The following TMEM63C variants were observed in gnomAD, a reference collection of about 807,000 sequenced individuals.
TMEM63C encodes transmembrane protein 63C.
In TMEM63C, 32 loss-of-function variants were observed where a neutral mutation model predicts 99.2. The ratio of observed to expected loss-of-function variants is 0.32; its 90% CI spans 0.24 to 0.43. The LOEUF (loss-of-function observed/expected upper bound fraction) is 0.43. TMEM63C is among the 20% of genes least tolerant of loss of function. The pLI is 1.00. For missense variants in TMEM63C, 826 were observed against 1,053.0 expected (o/e 0.78, Z 2.98); for synonymous variants, 376 against 397.9 (o/e 0.94, Z 0.66).
intron 2 of TMEM63C, among the ~76,000 whole-genome samples, chr14:77,215,016 G>A (rs1317344429): frequency 6.6e-6 from 1 of 152,048 alleles, no homozygotes; most frequent in Non-Finnish European, 1.5e-5. Flanking sequence ...ACCCTCTTGT[G>A]TTATGCTCAT....
intron 10 of TMEM63C, 63 bp from the exon 11 acceptor site, chr14:77,239,349 G>C: frequency 1.9e-6 from 3 of 1,558,422 alleles, no homozygotes; most frequent in Admixed American, 1.7e-5. Context: ...TGCTGGGCAG[G>C]GGGTAGGGGC....
intron 5 of TMEM63C, among the ~76,000 whole-genome samples, chr14:77,223,318 TGGA>T: frequency 6.6e-6 from 1 of 152,114 alleles, no homozygotes; most frequent in South Asian, 2.1e-4. Flanking sequence ...TTAAATTAAA[TGGA>T]GAACAGAGAG....
intron 2 of TMEM63C, among the ~76,000 whole-genome samples, chr14:77,215,252 G>A (rs541387313): frequency 3.3e-5 from 5 of 151,592 alleles, no homozygotes; most frequent in East Asian, 3.9e-4. Context: ...TCCAACATCC[G>A]CCCACCACCA....
chr14:77,238,776 G>T lies in TMEM63C; in HGVS notation c.725+9G>T, dbSNP rs762223852. On this transcript the variant is annotated intron_variant, in intron 10 of 23. Coordinates refer to ENST00000298351, the MANE Select transcript of TMEM63C (RefSeq NM_020431.4). Reference sequence around the variant, plus strand: ...ATCATTAAGCATTTTCAGTAAGTGGGTTGGGGTAGGCCAAGGCGTGGATTG... The same window carrying T: ...ATCATTAAGCATTTTCAGTAAGTGGTTTGGGGTAGGCCAAGGCGTGGATTG... 2 of 1,612,562 alleles carry T rather than the reference G, an allele frequency of 1.2e-6. No homozygotes were observed. The highest frequency in any genetic ancestry group is 1.3e-5 in the African/African-American group (1 of 75,016).
chr14:77,184,594 C>A (rs143590144), intron 1 of TMEM63C, among the ~76,000 whole-genome samples: 376 of 152,320 alleles, frequency 2.5e-3, no homozygotes, highest in African/African-American at 8.3e-3. Flanking sequence ...CTGGGAAAGG[C>A]TGTAATGAAA....
intron 6 of TMEM63C, among the ~76,000 whole-genome samples, chr14:77,228,684 G>A (rs1594861343): frequency 6.6e-6 from 1 of 151,904 alleles, no homozygotes; most frequent in African/African-American, 2.4e-5. Context: ...TTACAGGCAC[G>A]TGCCACCATG....
chr14:77,243,694 A>C (rs1420762910), intron 15 of TMEM63C, among the ~76,000 whole-genome samples: 2 of 152,148 alleles, frequency 1.3e-5, no homozygotes, highest in Non-Finnish European at 2.9e-5. Context: ...CAAGACTGTT[A>C]CTAGGAGCCT....
chr14:77,208,009 C>T (rs115009067), intron 1 of TMEM63C, among the ~76,000 whole-genome samples: 1,926 of 152,232 alleles, frequency 0.013, 45 homozygotes, highest in African/African-American at 0.045. Flanking sequence ...CCTAACTTCA[C>T]GGTACTAACT....
chr14:77,212,478 G>A (rs1888510271), intron 1 of TMEM63C, among the ~76,000 whole-genome samples: 1 of 152,190 alleles, frequency 6.6e-6, no homozygotes, highest in Admixed American at 6.5e-5. Context: ...GTTTTCTGTT[G>A]ACATCCTAGA....
chr14:77,183,420 G>A (rs1348696922), intron 1 of TMEM63C, among the ~76,000 whole-genome samples: 2 of 152,300 alleles, frequency 1.3e-5, no homozygotes, highest in African/African-American at 2.4e-5. Context: ...GAAGGAAGCA[G>A]CTTGAAGACG....
chr14:77,253,475 T>A, intron 23 of TMEM63C, 99 bp downstream of exon 23: 1 of 1,233,542 alleles, frequency 8.1e-7, no homozygotes, highest in Middle Eastern at 2.1e-4. Context: ...CTGCCCACTC[T>A]GGGTATGGGG....
intron 22 of TMEM63C, among the ~76,000 whole-genome samples, chr14:77,252,808 C>T (rs775992743): frequency 8.5e-5 from 13 of 152,344 alleles, no homozygotes; most frequent in South Asian, 4.1e-4. Flanking sequence ...TCCTTCTCCA[C>T]GCCTGGCTGG....
intron 20 of TMEM63C, 111 bp downstream of exon 20, chr14:77,248,983 G>T: frequency 2.7e-6 from 3 of 1,110,418 alleles, no homozygotes; most frequent in Non-Finnish European, 4.1e-6. Flanking sequence ...CCTGTGGTAG[G>T]GAGGGGTCAG....
intron 1 of TMEM63C, among the ~76,000 whole-genome samples, chr14:77,196,913 G>A (rs115887032): frequency 0.027 from 4,100 of 152,116 alleles, 154 homozygotes; most frequent in African/African-American, 0.094. Context: ...TGTGCCCCAC[G>A]CTCCTCTTCC....
chr14:77,217,843 C>T (rs1888614515), intron 2 of TMEM63C, among the ~76,000 whole-genome samples: 1 of 152,192 alleles, frequency 6.6e-6, no homozygotes, highest in African/African-American at 2.4e-5. Context: ...ATAGAAATAA[C>T]AAACTCCACA....
chr14:77,235,463 G>A (rs776347664), intron 8 of TMEM63C, among the ~76,000 whole-genome samples: 2,680 of 13,526 alleles, frequency 0.2, 1,024 homozygotes, highest in Admixed American at 0.31. Flanking sequence ...TGGGGGTCTG[G>A]GGAGACTGTG....
intron 1 of TMEM63C, among the ~76,000 whole-genome samples, chr14:77,192,541 G>A (rs1214204149): frequency 6.6e-6 from 1 of 152,110 alleles, no homozygotes; most frequent in Non-Finnish European, 1.5e-5. Flanking sequence ...AAATAATAAA[G>A]TTGGGCCCTA....
chr14:77,237,311 C>T (rs965976692), intron 9 of TMEM63C, among the ~76,000 whole-genome samples: 1 of 152,232 alleles, frequency 6.6e-6, no homozygotes, highest in Non-Finnish European at 1.5e-5. Context: ...CGCCCTTCTG[C>T]AGTCTCTCGG....
chr14:77,219,009 G>T (rs1888642755), intron 3 of TMEM63C, 46 bp downstream of exon 3: 1 of 1,474,110 alleles, frequency 6.8e-7, no homozygotes, highest in Non-Finnish European at 9.0e-7. Flanking sequence ...GCCTCAGACA[G>T]GGTCGAACTT....
Sources: gnomAD v4.1 joint callset for allele counts (sites outside exome capture counted in the v4.1 genomes callset) on GRCh38, gnomAD v4.1.1 for gene constraint, MANE v1.5 for transcripts, NCBI Gene and HGNC (gene_info 2026-07-23, HGNC 2026-07-21) for gene names.